CC2D1B: variants seen among roughly 807,000 people sequenced by gnomAD.
CC2D1B encodes the protein coiled-coil and C2 domain containing 1B.
A neutral mutation model predicts 110.8 loss-of-function variants in CC2D1B; 92 were observed. The ratio of observed to expected loss-of-function variants is 0.83; its 90% CI spans 0.70 to 0.99. CC2D1B has a LOEUF of 0.99. CC2D1B is among the 50% of genes least tolerant of loss of function. CC2D1B has a pLI of 0.00. For missense variants in CC2D1B, 1,136 were observed against 1,089.0 expected, an observed-to-expected ratio of 1.04 and a Z score of -0.61; for synonymous variants, 406 against 429.2, an observed-to-expected ratio of 0.95 and a Z score of 0.67.
In CC2D1B at chr1:52,359,214, A is replaced by G. The variant is rs530989543; in HGVS notation, c.1126+36T>C. 49 of 1,610,964 alleles carry G rather than the reference A, an allele frequency of 3.0e-5. No individual in the cohort carries two copies. The South Asian group carries it at 4.6e-4, about 15-fold the overall frequency. Reference sequence around the variant, plus strand: ...GGTCAGCCTGCCCTCCAATGCCTGCAGGTCCCCACGCCACAGTCCCACCAT... The same window carrying G: ...GGTCAGCCTGCCCTCCAATGCCTGCGGGTCCCCACGCCACAGTCCCACCAT... On this transcript the variant is annotated intron_variant, in intron 10 of 24. Transcript: ENST00000284376.
chr1:52,356,715 G>A (rs938625769), intron 16 of CC2D1B: 2 of 600,660 alleles, frequency 3.3e-6, no homozygotes, highest in Admixed American at 3.0e-5. Flanking sequence ...AGCCTTTCCA[G>A]AACAGGTGGC....
rs745401046 is a variant in CC2D1B at position 52,357,555 on chromosome 1, G to A, written c.1723C>T (p.Arg575Ter). The change falls in exon 15 of 25, where the codon CGA becomes TGA. Residue 575 changes from arginine to a stop codon, truncating the protein, a stop_gained. Transcript: ENST00000284376. LOFTEE classifies it high-confidence loss of function. ...GACAGATCAACAGGTCTGCCAGATC[G>A]GGCCTGGATGATCTGAGCCTCAAGC... Reference protein sequence around the residue: ...KWLEAQIIQARSGRPVDLSKV... With the variant: ...KWLEAQIIQA The A allele has an allele frequency of 1.3e-5, 20 of 1,581,626 alleles. No homozygotes were observed. Among genetic ancestry groups the A allele is most frequent in the African/African-American group, 2.7e-5 (2 of 74,276 alleles).
rs1471491992 is a variant in CC2D1B, at chr1:52,356,366, C to T, written c.1937+18G>A. 1.2e-6 allele frequency: 2 copies of T among 1,614,198 alleles called. No individual in the cohort carries two copies. The highest frequency in any genetic ancestry group is 2.2e-5 in the East Asian group (1 of 44,884). On this transcript the variant is annotated intron_variant, in intron 17 of 24. Transcript: ENST00000284376. ...CTGCTCCCCACCCTATGAGCCCAGCCCCAGCCCTTGCACTTACCGGGTGGT... is the reference window on the plus strand; with the variant it reads ...CTGCTCCCCACCCTATGAGCCCAGCTCCAGCCCTTGCACTTACCGGGTGGT...
rs766411135 is a variant in CC2D1B at position 52,357,047 on chromosome 1, T to C, written c.1832A>G (p.Glu611Gly). Residue 611 changes from glutamate to glycine, a missense_variant, in exon 16 of 25, where the codon GAG (glutamate) becomes GGG (glycine). By Grantham distance (98) the Glu-to-Gly change is moderately conservative. Coordinates refer to ENST00000284376, the MANE Select transcript of CC2D1B (RefSeq NM_001330585.2). ...TTTTTGCAGCTGGGCATACACCTCC[T>C]CCGCCTTCTGGGAGAGTCGCAGGTC... is the stretch of plus-strand genomic sequence containing the variant. ...HEDLRLSQKA[E>G]EVYAQLQKML... 6 of 1,596,640 alleles carry C rather than the reference T, an allele frequency of 3.8e-6. No individual in the cohort carries two copies. Among genetic ancestry groups the C allele is most frequent in the African/African-American group, 1.3e-5 (1 of 74,624 alleles).
rs1159840013 is a variant in CC2D1B, at chr1:52,355,410, T to C, written c.2227A>G (p.Thr743Ala). 6.2e-7 allele frequency: 1 copy of C among 1,614,116 alleles called. No individual in the cohort carries two copies. The highest frequency in any genetic ancestry group is 8.5e-7 in the Non-Finnish European group (1 of 1,180,018). The change falls in exon 21 of 25, where the codon ACA becomes GCA. Residue 743 changes from threonine to alanine, a missense_variant. Thr to Ala is a moderately conservative substitution (Grantham distance 58). Transcript: ENST00000284376. ...QKSKTAVVKN[T>A]NSPEFDQLFK... ...GTGTGGCCCTCACCTGGAGAGTTTGTGTTCTTCACCACAGCTGTTTTGCTT... is the reference window on the plus strand; with the variant it reads ...GTGTGGCCCTCACCTGGAGAGTTTGCGTTCTTCACCACAGCTGTTTTGCTT...
chr1:52,354,615 ATT>A lies in CC2D1B; in HGVS notation c.2421_2422del (p.Glu807AspfsTer35). 2 of 1,614,086 alleles carry A rather than the reference ATT, an allele frequency of 1.2e-6. No individual in the cohort carries two copies. The highest frequency in any genetic ancestry group is 1.7e-6 in the Non-Finnish European group (2 of 1,180,018). On this transcript the variant is annotated frameshift_variant, in exon 23 of 25. Transcript: ENST00000284376. LOFTEE classifies it high-confidence loss of function. ...CCACACCCCAGCCCCTACCTCCACAATTTCTCTGATCTCACACTCATTCTCCA... is the reference window on the plus strand; with the variant it reads ...CCACACCCCAGCCCCTACCTCCACAATCTCTGATCTCACACTCATTCTCCA...
At chr1:52,364,801 G>A (rs1046295001) in intron 1 of CC2D1B, among the ~76,000 whole-genome samples, 167 bp from the exon 2 acceptor site, 1 of 152,234 alleles carries the variant, frequency 6.6e-6, no homozygotes, top group African/African-American at 2.4e-5. Flanking sequence ...GGCCATGGGA[G>A]GGATGGGGAT....
At chr1:52,358,529 CCT>C in intron 12 of CC2D1B, 68 bp from the exon 13 acceptor site, 2 of 1,608,102 alleles carry the variant, frequency 1.2e-6, no homozygotes, top group East Asian at 2.2e-5. Context: ...TACCCGGGGC[CCT>C]GTCTGGGGCA....
In CC2D1B at chr1:52,361,537, C is replaced by A; in HGVS notation, c.294G>T (p.Gly98=). The A allele has an allele frequency of 6.2e-7, 1 of 1,614,014 alleles. No individual in the cohort carries two copies. Among genetic ancestry groups the A allele is most frequent in the African/African-American group, 1.3e-5 (1 of 75,046 alleles). The change falls in exon 4 of 25, where the codon GGG becomes GGT. Residue 98 remains glycine, a synonymous_variant. Transcript: ENST00000284376. ...RDVEEEEEEE[G]LEEDAELLTE... is the part of the protein sequence containing the mutation. The stretch of plus-strand genomic sequence containing the variant: ...CCAGCAGCTCTGCATCTTCCTCCAG[C>A]CCTTCCTCCTCCTCCTCCTCCTCCA...
Position 52,352,341 on chromosome 1 carries a change from G to A in CC2D1B, c.*884C>T, listed in dbSNP as rs1646544131. 6.6e-6 allele frequency: 1 copy of A among 152,612 alleles called. No individual in the cohort carries two copies. Among genetic ancestry groups the A allele is most frequent in the South Asian group, 2.1e-4 (1 of 4,828 alleles). The allele number at this position is 152,612 out of a possible 1,614,324, so 9.5% of individuals were successfully genotyped here. ...GAAGTTCCCCACATAACCAGCCGAA[G>A]AGGAAAGGCTTTCCCTGTCCTCTCT... On this transcript the variant is annotated 3_prime_UTR_variant, in exon 25 of 25. Transcript: ENST00000284376.
chr1:52,354,230 C>T, intron 23 of CC2D1B: 4 of 394,372 alleles, frequency 1.0e-5, no homozygotes, highest in South Asian at 8.1e-5. Flanking sequence ...TGGGAAGAGC[C>T]CCAGCCTACA....
At chr1:52,353,706 G>T in intron 23 of CC2D1B, 59 bp from the exon 24 acceptor site, 1 of 1,290,688 alleles carries the variant, frequency 7.7e-7, no homozygotes, top group Non-Finnish European at 1.1e-6. Flanking sequence ...GGAGCAGGCA[G>T]GTCCCTACAT....
At chr1:52,355,296 G>C in intron 21 of CC2D1B, 102 bp downstream of exon 21, 1 of 1,190,408 alleles carries the variant, frequency 8.4e-7, no homozygotes, top group East Asian at 2.5e-5. Flanking sequence ...TCTCCCAAGT[G>C]GGGTGGATCA....
At chr1:52,356,809 G>T (rs1646663152) in intron 16 of CC2D1B, 192 bp downstream of exon 16, 1 of 634,584 alleles carries the variant, frequency 1.6e-6, no homozygotes. Flanking sequence ...ACCCTGAAAG[G>T]GGTATTATCA....
In CC2D1B at chr1:52,360,087, A is replaced by AG. The variant is rs1298918830; in HGVS notation, c.749dup (p.Ala251CysfsTer11). The AG allele has an allele frequency of 6.3e-7, 1 of 1,583,836 alleles. No homozygotes were observed. The highest frequency in any genetic ancestry group is 1.4e-5 in the African/African-American group (1 of 74,066). On this transcript the variant is annotated frameshift_variant, in exon 7 of 25. Transcript: ENST00000284376. LOFTEE classifies it high-confidence loss of function. The stretch of plus-strand genomic sequence containing the variant: ...ATCTGCAGATACCTGACTCCAAGGC[A>AG]GGGGGAGCTGGAGGGTCTGTCTCAG...
Position 52,358,450 on chromosome 1 carries a change from T to TG in CC2D1B, c.1341dup (p.Ile448HisfsTer11). 6.2e-7 allele frequency: 1 copy of TG among 1,613,396 alleles called. No homozygotes were observed. Among genetic ancestry groups the TG allele is most frequent in the Non-Finnish European group, 8.5e-7 (1 of 1,179,892 alleles). On this transcript the variant is annotated frameshift_variant, in exon 13 of 25. Transcript: ENST00000284376. LOFTEE classifies it high-confidence loss of function. ...CCCATAGTGGACTCCAGGCCAGGGA[T>TG]GGGGGGAAATCCTGTGGGAGAGAGA...
intron 3 of CC2D1B, among the ~76,000 whole-genome samples, chr1:52,362,270 C>T (rs889414033): frequency 3.3e-5 from 5 of 152,194 alleles, no homozygotes; most frequent in Admixed American, 6.5e-5. Context: ...CCACTTAACT[C>T]GCTGGACACA....
At position 52,360,959 on chromosome 1, in the gene CC2D1B, T is replaced by C. The variant is rs776420962; in HGVS notation, c.477+15A>G. ...AGGAGCATCAGAGGCACAGGGGCCC[T>C]CCTCCAGAACCCACCTGAGCTGCTG... On this transcript the variant is annotated intron_variant, in intron 5 of 24. Transcript: ENST00000284376. The C allele has an allele frequency of 2.5e-6, 4 of 1,613,542 alleles. No individual in the cohort carries two copies. Among genetic ancestry groups the C allele is most frequent in the East Asian group, 4.5e-5 (2 of 44,874 alleles).
chr1:52,356,142 T>C (rs1438454206), intron 18 of CC2D1B, 44 bp downstream of exon 18: 46 of 1,491,332 alleles, frequency 3.1e-5, no homozygotes, highest in Non-Finnish European at 4.1e-5. Context: ...CCCAGCCTCC[T>C]GCCCCTCCCT....
Sources: allele counts gnomAD v4.1 joint callset (sites outside exome capture counted in the v4.1 genomes callset), GRCh38; gene constraint gnomAD v4.1.1; transcripts MANE v1.5; gene names NCBI Gene and HGNC (gene_info 2026-07-23, HGNC 2026-07-21).